The following CPNE4 variants were observed in gnomAD, a reference collection of about 807,000 sequenced individuals.
CPNE4 encodes copine-4.
CPNE4 carries 25 observed loss-of-function variants against 67.9 expected under a neutral mutation model. The observed-to-expected ratio is 0.37, with a 90% CI of 0.27 to 0.51. The LOEUF (loss-of-function observed/expected upper bound fraction) is 0.51, where lower values mean the gene tolerates loss of function less well. Among genes scored for constraint, CPNE4 ranks in the 20% least tolerant of loss-of-function variants. The probability of loss-of-function intolerance (pLI) is 0.93; values close to 1 mark genes in which losing one functional copy is unlikely to be tolerated. For synonymous variants in CPNE4, 242 were observed against 244.9 expected (o/e 0.99, Z 0.11); for missense variants, 464 against 690.8 (o/e 0.67, Z 3.68).
At position 131,806,764 on chromosome 3, in the gene CPNE4, A is replaced by T. The variant is rs529678317; in HGVS notation, c.181-83139T>A. Among the ~76,000 whole-genome samples, 10 of 152,286 alleles carry T rather than the reference A, an allele frequency of 6.6e-5. No homozygotes were observed. In the East Asian group the frequency reaches 7.7e-4, roughly 12 times the overall value. ...TTGCTCTGGTTTCTAACATGTGGTC[A>T]CTCCATGTCCCTTGCCTCTGGAGAA... On this transcript the variant is annotated intron_variant, in intron 2 of 15. Transcript: ENST00000429747.
intron 2 of CPNE4, among the ~76,000 whole-genome samples, chr3:131,781,767 G>A (rs541912627): frequency 1.8e-4 from 28 of 152,190 alleles, no homozygotes; most frequent in African/African-American, 5.5e-4. Flanking sequence ...CTTAGTTAAT[G>A]TTTCAGCCCT....
chr3:131,888,475 A>G (rs1008293186), intron 2 of CPNE4, among the ~76,000 whole-genome samples: 3 of 152,212 alleles, frequency 2.0e-5, no homozygotes, highest in African/African-American at 7.2e-5. Context: ...TTGAAAACAG[A>G]CTATCCAAGA....
chr3:131,694,963 G>A lies in CPNE4; in HGVS notation c.507+1579C>T, dbSNP rs148603028. ...GATGGTTTACCACACAGAATAGATT[G>A]TTTACCATGCAGCAATAGAAAACCA... On this transcript the variant is annotated intron_variant, in intron 5 of 15. Coordinates refer to ENST00000429747, the MANE Select transcript of CPNE4 (RefSeq NM_130808.3). 8.3e-4 allele frequency among the ~76,000 whole-genome samples: 127 copies of A among 152,270 alleles called. No homozygotes were observed. The Middle Eastern group carries it at 0.01, about 12-fold the overall frequency.
At chr3:131,988,793 A>G in intron 1 of CPNE4, among the ~76,000 whole-genome samples, 1 of 152,226 alleles carries the variant, frequency 6.6e-6, no homozygotes, top group Non-Finnish European at 1.5e-5. Context: ...CCACAAATTA[A>G]AAAATGTTTG....
At chr3:131,593,775 G>T (rs188957944) in intron 7 of CPNE4, among the ~76,000 whole-genome samples, 1 of 152,196 alleles carries the variant, frequency 6.6e-6, no homozygotes, top group Non-Finnish European at 1.5e-5. Context: ...GCAGTGGCAT[G>T]ATCTCGGCTC....
At chr3:131,974,973 A>G (rs908318727) in intron 1 of CPNE4, among the ~76,000 whole-genome samples, 3 of 152,104 alleles carry the variant, frequency 2.0e-5, no homozygotes, top group African/African-American at 7.2e-5. Flanking sequence ...GCACCCCTGC[A>G]CTCCAGGCTG....
intron 1 of CPNE4, among the ~76,000 whole-genome samples, chr3:132,021,912 A>C (rs2107690181): frequency 6.6e-6 from 1 of 152,346 alleles, no homozygotes; most frequent in South Asian, 2.1e-4. Flanking sequence ...CATCCAAGCA[A>C]AGTGGAATAG....
intron 7 of CPNE4, among the ~76,000 whole-genome samples, chr3:131,636,095 A>G (rs917427882): frequency 6.7e-6 from 1 of 149,646 alleles, no homozygotes; most frequent in Non-Finnish European, 1.5e-5. Context: ...AAAAAAAAAA[A>G]GAACTACTGC....
intron 7 of CPNE4, among the ~76,000 whole-genome samples, chr3:131,592,287 C>T (rs1446301443): frequency 6.6e-6 from 1 of 152,144 alleles, no homozygotes; most frequent in African/African-American, 2.4e-5. Context: ...GCTTATTTTA[C>T]AGATGAGGAA....
intron 1 of CPNE4, among the ~76,000 whole-genome samples, chr3:131,913,365 T>C (rs1267397575): frequency 6.6e-6 from 1 of 152,092 alleles, no homozygotes; most frequent in Non-Finnish European, 1.5e-5. Context: ...TATATAACCA[T>C]CGGGGGCATT....
intron 1 of CPNE4, among the ~76,000 whole-genome samples, chr3:131,923,695 A>C (rs1422259370): frequency 9.2e-6 from 1 of 108,146 alleles, no homozygotes; most frequent in Non-Finnish European, 1.8e-5. Flanking sequence ...ACAGAGCTAG[A>C]CTCCGTCTCA....
intron 2 of CPNE4, among the ~76,000 whole-genome samples, chr3:131,857,836 A>G (rs576660722): frequency 6.6e-6 from 1 of 151,962 alleles, no homozygotes; most frequent in African/African-American, 2.4e-5. Flanking sequence ...AATCCAATAC[A>G]ATCCTCATTT....
intron 7 of CPNE4, among the ~76,000 whole-genome samples, chr3:131,605,133 T>A (rs998311651): frequency 1.3e-5 from 2 of 152,166 alleles, no homozygotes; most frequent in Non-Finnish European, 2.9e-5. Context: ...GAAGTTAGAA[T>A]TTAAATCTTA....
intron 1 of CPNE4, among the ~76,000 whole-genome samples, chr3:131,989,332 G>A (rs2073124324): frequency 6.6e-6 from 1 of 152,198 alleles, no homozygotes; most frequent in Admixed American, 6.5e-5. Flanking sequence ...TGCCCCTAAA[G>A]GCTTTCAGGT....
At chr3:131,945,840 T>C (rs189511368) in intron 1 of CPNE4, among the ~76,000 whole-genome samples, 1 of 152,250 alleles carries the variant, frequency 6.6e-6, no homozygotes, top group East Asian at 1.9e-4. Context: ...AGGAATAGGA[T>C]AATGAGAAAA....
intron 2 of CPNE4, among the ~76,000 whole-genome samples, chr3:131,841,398 C>G (rs1331513109): frequency 6.6e-6 from 1 of 152,176 alleles, no homozygotes; most frequent in Non-Finnish European, 1.5e-5. Context: ...TGGACCAGTA[C>G]CAGTCTGTGG....
At chr3:131,972,588 C>T (rs2072533416) in intron 1 of CPNE4, among the ~76,000 whole-genome samples, 1 of 152,150 alleles carries the variant, frequency 6.6e-6, no homozygotes, top group Non-Finnish European at 1.5e-5. Context: ...AATCATTCAA[C>T]AGTGTCAAGG....
intron 7 of CPNE4, among the ~76,000 whole-genome samples, chr3:131,596,088 T>C (rs539928799): frequency 1.3e-5 from 2 of 152,330 alleles, no homozygotes; most frequent in African/African-American, 4.8e-5. Flanking sequence ...GTGAACAGTA[T>C]AGTATTGTGC....
Position 131,631,261 on chromosome 3 carries a change from A to G in CPNE4, c.681+38414T>C, listed in dbSNP as rs1465472296. On this transcript the variant is annotated intron_variant, in intron 7 of 15. Transcript: ENST00000429747. Reference sequence around the variant, plus strand: ...CAAAACCAGTTGAAATTCCAGAGTAAAACATTTTAAAGAGAAATTTTCTAT... The same window carrying G: ...CAAAACCAGTTGAAATTCCAGAGTAGAACATTTTAAAGAGAAATTTTCTAT... Among the ~76,000 whole-genome samples, 3 of 152,228 alleles carry G rather than the reference A, an allele frequency of 2.0e-5. No individual in the cohort carries two copies. In the East Asian group the frequency reaches 5.8e-4, roughly 29 times the overall value.
Sources: allele counts gnomAD v4.1 joint callset (sites outside exome capture counted in the v4.1 genomes callset), GRCh38; gene constraint gnomAD v4.1.1; transcripts MANE v1.5; gene names NCBI Gene and HGNC (gene_info 2026-07-23, HGNC 2026-07-21).